RGS5: variants seen among roughly 807,000 people sequenced by gnomAD.
RGS5 encodes regulator of G protein signaling 5.
In RGS5, 20 loss-of-function variants were observed where a neutral mutation model predicts 18.9. The ratio of observed to expected loss-of-function variants is 1.06; its 90% CI spans 0.74 to 1.54. RGS5 has a LOEUF of 1.54. Among genes scored for constraint, RGS5 ranks in the 40% most tolerant of loss-of-function variants. The pLI, the probability that RGS5 is intolerant of heterozygous loss-of-function variation, is 0.00. For missense variants in RGS5, 201 were observed against 211.8 expected, an observed-to-expected ratio of 0.95 and a Z score of 0.32; for synonymous variants, 57 against 76.2, an observed-to-expected ratio of 0.75 and a Z score of 1.31.
At chr1:163,148,998 G>A (rs951270452) in intron 4 of RGS5, among the ~76,000 whole-genome samples, 1 of 152,180 alleles carries the variant, frequency 6.6e-6, no homozygotes, top group Non-Finnish European at 1.5e-5. Flanking sequence ...AGTTAGAGTT[G>A]GAGACAAAAT....
intron 2 of RGS5, among the ~76,000 whole-genome samples, chr1:163,258,875 T>A (rs1648348829): frequency 6.6e-6 from 1 of 151,974 alleles, no homozygotes. Context: ...CAAGGTCTCA[T>A]TATGTTGCGC....
intron 2 of RGS5, among the ~76,000 whole-genome samples, chr1:163,276,392 C>A (rs943912983): frequency 3.3e-5 from 5 of 152,104 alleles, no homozygotes; most frequent in Non-Finnish European, 7.3e-5. Context: ...CTCATGACAA[C>A]ATTTACTGGG....
At chr1:163,202,212 C>G (rs1289396974) in intron 1 of RGS5, among the ~76,000 whole-genome samples, 1 of 152,158 alleles carries the variant, frequency 6.6e-6, no homozygotes, top group African/African-American at 2.4e-5. Flanking sequence ...TTCCTCACTG[C>G]AAACTTGCCT....
At chr1:163,199,598 C>A (rs992128674) in intron 1 of RGS5, among the ~76,000 whole-genome samples, 1 of 151,906 alleles carries the variant, frequency 6.6e-6, no homozygotes, top group Admixed American at 6.6e-5. Flanking sequence ...ATTTTATATT[C>A]TTTGCTAATA....
intron 1 of RGS5, among the ~76,000 whole-genome samples, chr1:163,213,968 T>C (rs1660164429): frequency 6.6e-6 from 1 of 152,172 alleles, no homozygotes; most frequent in African/African-American, 2.4e-5. Context: ...TGAGATTAAC[T>C]GATCAAGTAA....
At chr1:163,196,158 C>G (rs1377366778) in intron 1 of RGS5, among the ~76,000 whole-genome samples, 1 of 151,830 alleles carries the variant, frequency 6.6e-6, no homozygotes, top group African/African-American at 2.4e-5. Flanking sequence ...GGTGACTCAG[C>G]CTTCAAAGTA....
At chr1:163,176,362 C>G (rs1658556857) in intron 1 of RGS5, among the ~76,000 whole-genome samples, 1 of 152,200 alleles carries the variant, frequency 6.6e-6, no homozygotes, top group South Asian at 2.1e-4. Context: ...TGGCCCACGC[C>G]TGTAATCCCA....
chr1:163,247,773 G>A (rs1420484844), intron 2 of RGS5, among the ~76,000 whole-genome samples: 3 of 151,872 alleles, frequency 2.0e-5, no homozygotes, highest in East Asian at 1.9e-4. Flanking sequence ...TTCTCTCATA[G>A]AGCCACCAAT....
chr1:163,170,219 C>T (rs1173623082), intron 1 of RGS5, among the ~76,000 whole-genome samples: 1 of 152,128 alleles, frequency 6.6e-6, no homozygotes, highest in Non-Finnish European at 1.5e-5. Context: ...TGGTCATTGA[C>T]TTATGTTTCT....
At chr1:163,190,595 A>G (rs1557898178) in intron 1 of RGS5, among the ~76,000 whole-genome samples, 1 of 152,116 alleles carries the variant, frequency 6.6e-6, no homozygotes, top group Non-Finnish European at 1.5e-5. Context: ...CATTTAGACA[A>G]TACCCTATAA....
At chr1:163,244,215 C>T (rs1196322513) in intron 2 of RGS5, among the ~76,000 whole-genome samples, 1 of 152,194 alleles carries the variant, frequency 6.6e-6, no homozygotes, top group Non-Finnish European at 1.5e-5. Flanking sequence ...AGCCTATCAT[C>T]TCCAAAGCTA....
intron 1 of RGS5, among the ~76,000 whole-genome samples, chr1:163,208,408 T>C (rs1326183314): frequency 7.7e-6 from 1 of 130,092 alleles, no homozygotes; most frequent in African/African-American, 2.9e-5. Flanking sequence ...TAGCCAGGCA[T>C]GCAGTAGGCT....
chr1:163,291,429 G>A (rs1273140257), intron 2 of RGS5, among the ~76,000 whole-genome samples: 2 of 152,108 alleles, frequency 1.3e-5, no homozygotes, highest in Admixed American at 6.5e-5. Flanking sequence ...AACCACCTTT[G>A]TGAAGTTAAT....
chr1:163,193,556 A>C (rs1333156979), intron 1 of RGS5, among the ~76,000 whole-genome samples: 1 of 152,150 alleles, frequency 6.6e-6, no homozygotes, highest in African/African-American at 2.4e-5. Context: ...CATGCATCCT[A>C]TAATTAGGTT....
intron 2 of RGS5, among the ~76,000 whole-genome samples, chr1:163,252,360 A>AT (rs2101698985): frequency 6.6e-6 from 1 of 152,174 alleles, no homozygotes; most frequent in South Asian, 2.1e-4. Context: ...GTTTGCAAAG[A>AT]TTTTCTCCAT....
chr1:163,193,368 A>G (rs985408099), intron 1 of RGS5, among the ~76,000 whole-genome samples: 3 of 152,152 alleles, frequency 2.0e-5, no homozygotes, highest in Admixed American at 6.6e-5. Flanking sequence ...CAATTCCTTT[A>G]AACACTGAAA....
chr1:163,227,497 C>A (rs1298447166), intron 2 of RGS5, among the ~76,000 whole-genome samples: 2 of 152,156 alleles, frequency 1.3e-5, no homozygotes, highest in African/African-American at 4.8e-5. Context: ...TTACCTCTAC[C>A]TGGTCCCATC....
intron 2 of RGS5, among the ~76,000 whole-genome samples, chr1:163,254,889 AT>A (rs1356678040): frequency 6.6e-6 from 1 of 151,478 alleles, no homozygotes; most frequent in Non-Finnish European, 1.5e-5. Flanking sequence ...TCCCAGCACC[AT>A]TTATTAAATA....
chr1:163,247,603 T>C, intron 2 of RGS5, among the ~76,000 whole-genome samples: 1 of 151,162 alleles, frequency 6.6e-6, no homozygotes, highest in Admixed American at 6.6e-5. Context: ...TATATATATG[T>C]ATACGTATGA....
Sources: gnomAD v4.1 joint callset for allele counts (sites outside exome capture counted in the v4.1 genomes callset) on GRCh38, gnomAD v4.1.1 for gene constraint, MANE v1.5 for transcripts, NCBI Gene and HGNC (gene_info 2026-07-23, HGNC 2026-07-21) for gene names.